GDPD5: variants seen among roughly 807,000 people sequenced by gnomAD.
GDPD5 encodes the protein glycerophosphodiester phosphodiesterase domain containing 5, also known as glycerophosphodiester phosphodiesterase 2.
GDPD5 carries 48 observed loss-of-function variants against 75.1 expected under a neutral mutation model. The observed-to-expected ratio is 0.64, with a 90% confidence interval of 0.51 to 0.81. The LOEUF (loss-of-function observed/expected upper bound fraction) is 0.81, where lower values mean the gene tolerates loss of function less well. Among genes scored for constraint, GDPD5 ranks in the 40% least tolerant of loss-of-function variants. The pLI is 0.00. For synonymous variants in GDPD5, 336 were observed against 339.0 expected (o/e 0.99, Z 0.10); for missense variants, 706 against 822.6 (o/e 0.86, Z 1.73).
At chr11:75,448,413 G>A (rs1349396592) in intron 9 of GDPD5, 1 of 917,928 alleles carries the variant, frequency 1.1e-6, no homozygotes. Flanking sequence ...GATGGAAACT[G>A]TTGGGCCTCC....
chr11:75,449,740 C>A, intron 7 of GDPD5, 130 bp from the exon 8 acceptor site: 1 of 1,247,318 alleles, frequency 8.0e-7, no homozygotes, highest in Non-Finnish European at 1.1e-6. Context: ...ACACTGGGAG[C>A]CTCAGGACCC....
intron 16 of GDPD5, among the ~76,000 whole-genome samples, 200 bp downstream of exon 16, chr11:75,436,736 T>C (rs1326049415): frequency 6.6e-6 from 1 of 152,068 alleles, no homozygotes; most frequent in African/African-American, 2.4e-5. Flanking sequence ...ACTGTGTGTG[T>C]GGGGGTGTGT....
At chr11:75,521,612 C>CA (rs1215086559) in intron 1 of GDPD5, among the ~76,000 whole-genome samples, 1 of 152,118 alleles carries the variant, frequency 6.6e-6, no homozygotes, top group Non-Finnish European at 1.5e-5. Flanking sequence ...TTACAAACTG[C>CA]AAAATGTTAT....
intron 3 of GDPD5, among the ~76,000 whole-genome samples, chr11:75,463,444 A>C (rs1949457251): frequency 6.6e-6 from 1 of 152,134 alleles, no homozygotes; most frequent in Admixed American, 6.5e-5. Flanking sequence ...AGCCAGGTGG[A>C]AGTGGGGTGG....
chr11:75,466,017 C>T (rs1237025479), intron 3 of GDPD5, among the ~76,000 whole-genome samples: 2 of 152,222 alleles, frequency 1.3e-5, no homozygotes, highest in African/African-American at 4.8e-5. Context: ...CCTCAAGTGT[C>T]CAGATCCTTA....
chr11:75,443,933 G>A (rs1010212566), intron 10 of GDPD5, among the ~76,000 whole-genome samples: 2 of 152,198 alleles, frequency 1.3e-5, no homozygotes, highest in African/African-American at 4.8e-5. Context: ...TGTTCAGTAT[G>A]CAACCTGTAC....
At chr11:75,460,074 C>A (rs556966128) in intron 4 of GDPD5, among the ~76,000 whole-genome samples, 1 of 151,760 alleles carries the variant, frequency 6.6e-6, no homozygotes, top group South Asian at 2.1e-4. Context: ...ACTCACCTTA[C>A]CATACCGTTG....
At chr11:75,466,556 C>T (rs1049516816) in intron 3 of GDPD5, among the ~76,000 whole-genome samples, 1 of 152,154 alleles carries the variant, frequency 6.6e-6, no homozygotes, top group Non-Finnish European at 1.5e-5. Context: ...TGCCTCAATG[C>T]CCCGGCCACG....
intron 6 of GDPD5, chr11:75,451,154 C>T (rs892896490): frequency 2.0e-5 from 3 of 152,264 alleles, no homozygotes; most frequent in East Asian, 3.9e-4. Context: ...ACCCAGGGAC[C>T]TTCACTCGCC....
chr11:75,436,596 A>C (rs898850943), intron 16 of GDPD5, among the ~76,000 whole-genome samples: 3 of 151,954 alleles, frequency 2.0e-5, no homozygotes, highest in Non-Finnish European at 4.4e-5. Flanking sequence ...GGGTGAGGCC[A>C]ACATTGTAGG....
chr11:75,485,064 T>C (rs539557636), intron 2 of GDPD5, among the ~76,000 whole-genome samples: 2 of 152,326 alleles, frequency 1.3e-5, no homozygotes, highest in East Asian at 3.9e-4. Flanking sequence ...CTTGAAAACA[T>C]ATTGCTAAGT....
chr11:75,509,513 G>A lies in GDPD5; in HGVS notation c.-145+15697C>T, dbSNP rs909623156. On this transcript the variant is annotated intron_variant, in intron 1 of 16. Transcript: ENST00000336898. ...GAGGCTTGGGGGATTAATATAAATT[G>A]GACAAATGAATATTGTTAATGCCAA... Among the ~76,000 whole-genome samples, 3 of 152,176 alleles carry A rather than the reference G, an allele frequency of 2.0e-5. No individual in the cohort carries two copies. In the East Asian group the frequency reaches 5.8e-4, roughly 29 times the overall value.
intron 9 of GDPD5, among the ~76,000 whole-genome samples, chr11:75,448,013 G>A (rs1949032336): frequency 6.6e-6 from 1 of 152,132 alleles, no homozygotes; most frequent in Admixed American, 6.5e-5. Flanking sequence ...CATGCAGGGG[G>A]CCAGACTTCC....
rs1460752461 is a variant in GDPD5 at position 75,519,137 on chromosome 11, TGTGGGTTGGTGGGAA to T, written c.-145+6058_-145+6072del. On this transcript the variant is annotated intron_variant, in intron 1 of 16. Transcript: ENST00000336898. The stretch of plus-strand genomic sequence containing the variant: ...CAGAATGTCACAGATGGAGAGATGG[TGTGGGTTGGTGGGAA>T]GTGAGAGGCCTGTGGAGTCCACTGG... 2.6e-5 allele frequency among the ~76,000 whole-genome samples: 4 copies of T among 152,116 alleles called. No individual in the cohort carries two copies. The East Asian group carries it at 7.7e-4, about 29-fold the overall frequency.
In GDPD5 at chr11:75,452,554, A is replaced by G. The variant is rs182687933; in HGVS notation, c.376-2571T>C. Among the ~76,000 whole-genome samples, 192 of 152,366 alleles carry G rather than the reference A, an allele frequency of 1.3e-3. 2 individuals carry two copies. Among genetic ancestry groups the G allele is most frequent in the Non-Finnish European group, 2.0e-3 (136 of 68,036 alleles). On this transcript the variant is annotated intron_variant, in intron 6 of 16. Transcript: ENST00000336898. The stretch of plus-strand genomic sequence containing the variant: ...GCCTGACACATGTGGTCAGCACCCA[A>G]TAAAGGATGGTTACTGCTGTTATGG...
intron 1 of GDPD5, among the ~76,000 whole-genome samples, chr11:75,505,494 G>A (rs540866063): frequency 1.3e-5 from 2 of 152,284 alleles, no homozygotes; most frequent in African/African-American, 4.8e-5. Context: ...TGGGGCCCCT[G>A]TTTTCCTGTC....
At chr11:75,500,422 C>T (rs556725637) in intron 1 of GDPD5, among the ~76,000 whole-genome samples, 1 of 152,300 alleles carries the variant, frequency 6.6e-6, no homozygotes, top group African/African-American at 2.4e-5. Context: ...ATCCATGGGG[C>T]ACTTCTCCAT....
intron 1 of GDPD5, among the ~76,000 whole-genome samples, chr11:75,523,447 C>A (rs78863988): frequency 0.027 from 4,112 of 152,308 alleles, 185 homozygotes; most frequent in African/African-American, 0.094. Context: ...CAGTTGCCCA[C>A]ACGAGACTGG....
rs941604022 is a variant in GDPD5 at position 75,442,565 on chromosome 11, G to T, written c.965C>A (p.Thr322Lys). ...GTCGGAGGGTGACAGGGAGCTGGCT[G>T]TCCAGAAGGGGTCAGTCTGGCAGGG... ...QWFLKTDPFW[T>K]ASSLSPSDHR... Residue 322 changes from threonine (T) to lysine (K), a missense_variant, in exon 12 of 17, where the codon ACA becomes AAA. Thr to Lys is a moderately conservative substitution (Grantham distance 78). Transcript: ENST00000336898. 6.2e-7 allele frequency: 1 copy of T among 1,614,118 alleles called. No homozygotes were observed. The highest frequency in any genetic ancestry group is 1.7e-5 in the Admixed American group (1 of 60,028).
Sources: gnomAD v4.1 joint callset for allele counts (sites outside exome capture counted in the v4.1 genomes callset) on GRCh38, gnomAD v4.1.1 for gene constraint, MANE v1.5 for transcripts, NCBI Gene and HGNC (gene_info 2026-07-23, HGNC 2026-07-21) for gene names.